ACSBG2: variants seen among roughly 807,000 people sequenced by gnomAD.
ACSBG2 encodes long-chain-fatty-acid--CoA ligase ACSBG2.
ACSBG2 carries 62 observed loss-of-function variants against 74.7 expected under a neutral mutation model. The ratio of observed to expected loss-of-function variants is 0.83; its 90% CI spans 0.68 to 1.03. The LOEUF (loss-of-function observed/expected upper bound fraction) is 1.03. ACSBG2 is among the 50% of genes least tolerant of loss of function. ACSBG2 has a pLI of 0.00. For synonymous variants in ACSBG2, 309 were observed against 294.1 expected, an observed-to-expected ratio of 1.05 and a Z score of -0.52; for missense variants, 730 against 817.6, an observed-to-expected ratio of 0.89 and a Z score of 1.31.
intron 1 of ACSBG2, among the ~76,000 whole-genome samples, chr19:6,140,716 G>A (rs565180510): frequency 3.1e-4 from 47 of 152,236 alleles, no homozygotes; most frequent in Middle Eastern, 6.8e-3. Context: ...AAGTGTTTTC[G>A]AAAGAGGTGG....
At chr19:6,159,815 T>C (rs1388172565) in intron 5 of ACSBG2, among the ~76,000 whole-genome samples, 2 of 152,168 alleles carry the variant, frequency 1.3e-5, no homozygotes, top group African/African-American at 4.8e-5. Flanking sequence ...TCCCCTATCA[T>C]ACTCTCTTGG....
At chr19:6,164,054 G>C (rs980830449) in intron 6 of ACSBG2, among the ~76,000 whole-genome samples, 2 of 152,200 alleles carry the variant, frequency 1.3e-5, no homozygotes, top group African/African-American at 4.8e-5. Flanking sequence ...GAAAATGGCC[G>C]AGTAAGACAA....
intron 7 of ACSBG2, among the ~76,000 whole-genome samples, chr19:6,166,320 G>C (rs1279401099): frequency 6.6e-6 from 1 of 151,094 alleles, no homozygotes; most frequent in Non-Finnish European, 1.5e-5. Flanking sequence ...GTGTGTGTGT[G>C]TGTGTGTGTG....
In ACSBG2 at chr19:6,155,362, C is replaced by T. The variant is rs77880472; in HGVS notation, c.387-1069C>T. Among the ~76,000 whole-genome samples the T allele has an allele frequency of 9.5e-3, 1,450 of 152,194 alleles. 5 individuals carry two copies. The highest frequency in any genetic ancestry group is 0.014 in the Non-Finnish European group (962 of 68,022). ...TAAAGCTTCTAGAAAAAGAAAAGCA[C>T]GGAATGGTTTCACAACCTGGGGGTA... On this transcript the variant is annotated intron_variant, in intron 4 of 14. Transcript: ENST00000588485.
At position 6,160,889 on chromosome 19, in the gene ACSBG2, C is replaced by G. The variant is rs559805302; in HGVS notation, c.508-326C>G. 2.4e-3 allele frequency: 427 copies of G among 181,666 alleles called. 2 individuals are homozygous for G. Among genetic ancestry groups the G allele is most frequent in the Admixed American group, 5.9e-3 (102 of 17,340 alleles). The allele number at this position is 181,666 out of a possible 1,614,324, so 11.3% of individuals were successfully genotyped here. On this transcript the variant is annotated intron_variant, in intron 5 of 14. Transcript: ENST00000588485. ...CCGAGGCGGGGGGATCACCTGGGGT[C>G]AGGAGTTCGAGACCAGCCTGGCCAA...
chr19:6,173,937 ATT>A lies in ACSBG2; in HGVS notation c.739-3275_739-3274del, dbSNP rs56905660. Among the ~76,000 whole-genome samples, 202 of 130,924 alleles carry A rather than the reference ATT, an allele frequency of 1.5e-3. 1 individual carries two copies. Among genetic ancestry groups the A allele is most frequent in the African/African-American group, 4.0e-3 (142 of 35,194 alleles). 85.9% of individuals were successfully genotyped at this position (130,924 alleles called of 152,430 possible). Reference sequence around the variant, plus strand: ...AACATGAGGACATCACTCTTGAACTATTTTTTTTTTTTTTTTTTGAGACAGAG... The same window carrying A: ...AACATGAGGACATCACTCTTGAACTATTTTTTTTTTTTTTTTGAGACAGAG... On this transcript the variant is annotated intron_variant, in intron 7 of 14. Transcript: ENST00000588485.
At position 6,147,627 on chromosome 19, in the gene ACSBG2, C is replaced by T; in HGVS notation, c.249C>T (p.Phe83=). 16 of 1,614,214 alleles carry T rather than the reference C, an allele frequency of 9.9e-6. No individual in the cohort carries two copies. The highest frequency in any genetic ancestry group is 1.4e-5 in the Non-Finnish European group (16 of 1,180,042). The change falls in exon 3 of 15, where the codon TTC becomes TTT. Residue 83 remains phenylalanine (F), a synonymous_variant. Transcript: ENST00000588485. ...GCAAAAAGTGGGAAATTCTGAATTT[C>T]AACCAGTACTATGAGGCTTGTCGGA... ...KNGKKWEILN[F]NQYYEACRKA...
rs765326702 is a variant in ACSBG2, at chr19:6,185,558, C to T, written c.1445C>T (p.Thr482Ile). The T allele has an allele frequency of 1.4e-5, 23 of 1,614,050 alleles. No individual in the cohort carries two copies. The Admixed American group carries it at 1.7e-4, about 12-fold the overall frequency. Residue 482 changes from threonine (T) to isoleucine (I), a missense_variant, in exon 11 of 15, where the codon ACT (threonine) becomes ATT (isoleucine). By Grantham distance (89) the Thr-to-Ile change is moderately conservative. Coordinates refer to ENST00000588485, the MANE Select transcript of ACSBG2 (RefSeq NM_030924.5). ...FMGYLESETE[T>I]TEAIDDEGWL... is the part of the protein sequence containing the mutation. ...GGCTATCTGGAAAGTGAGACTGAAA[C>T]TACAGAGGCCATCGATGATGAAGGC...
At chr19:6,156,409 C>A (rs765000580) in intron 4 of ACSBG2, 22 bp from the exon 5 acceptor site, 3 of 1,577,644 alleles carry the variant, frequency 1.9e-6, no homozygotes, top group East Asian at 2.4e-5. Flanking sequence ...GATGCACACA[C>A]GAATTTGTTT....
At chr19:6,140,716 G>C (rs565180510) in intron 1 of ACSBG2, among the ~76,000 whole-genome samples, 1 of 152,118 alleles carries the variant, frequency 6.6e-6, no homozygotes, top group Non-Finnish European at 1.5e-5. Context: ...AAGTGTTTTC[G>C]AAAGAGGTGG....
intron 6 of ACSBG2, among the ~76,000 whole-genome samples, chr19:6,162,437 G>A (rs930682023): frequency 3.3e-5 from 5 of 149,430 alleles, no homozygotes. Flanking sequence ...CGTGGTGGTG[G>A]GCGCCTGTAG....
chr19:6,157,769 A>G (rs925426883), intron 5 of ACSBG2, among the ~76,000 whole-genome samples: 4 of 152,046 alleles, frequency 2.6e-5, no homozygotes, highest in African/African-American at 7.2e-5. Flanking sequence ...TATTTTATAT[A>G]CATCCCACTG....
At chr19:6,185,821 AAC>A (rs2090390486) in intron 11 of ACSBG2, among the ~76,000 whole-genome samples, 168 bp downstream of exon 11, 1 of 152,186 alleles carries the variant, frequency 6.6e-6, no homozygotes, top group Admixed American at 6.5e-5. Context: ...CTGTCCAGCA[AAC>A]AGTTACCCCT....
chr19:6,150,474 C>T (rs2089198432), intron 3 of ACSBG2, among the ~76,000 whole-genome samples: 2 of 152,046 alleles, frequency 1.3e-5, no homozygotes, highest in South Asian at 2.1e-4. Context: ...TGGATAAACA[C>T]GATGTGGTCC....
chr19:6,147,349 T>G, intron 2 of ACSBG2, 97 bp from the exon 3 acceptor site: 1 of 921,108 alleles, frequency 1.1e-6, no homozygotes, highest in Non-Finnish European at 1.7e-6. Context: ...AATTCAACTC[T>G]CAGCACCTTA....
rs940495531 is a variant in ACSBG2, at chr19:6,187,306, G to A, written c.1564G>A (p.Glu522Lys). 1.2e-6 allele frequency: 2 copies of A among 1,614,208 alleles called. No individual in the cohort carries two copies. The highest frequency in any genetic ancestry group is 8.5e-7 in the Non-Finnish European group (1 of 1,180,052). The change falls in exon 12 of 15, where the codon GAA becomes AAA. Residue 522 changes from glutamate (E) to lysine (K), a missense_variant. Coordinates refer to ENST00000588485, the MANE Select transcript of ACSBG2 (RefSeq NM_030924.5). ...IKEILITAGGENVPPIPVETL... is the reference protein window; with the variant it reads ...IKEILITAGGKNVPPIPVETL... ...AGAAATCCTTATCACTGCTGGTGGT[G>A]AAAATGTGCCCCCCATTCCTGTTGA...
intron 7 of ACSBG2, among the ~76,000 whole-genome samples, chr19:6,172,375 T>G (rs1348246250): frequency 6.6e-6 from 1 of 152,192 alleles, no homozygotes; most frequent in Non-Finnish European, 1.5e-5. Context: ...TTAATTCTAG[T>G]TTCCCTTGAG....
rs2090385522 is a variant in ACSBG2 at position 6,185,650 on chromosome 19, A to T, written c.1537A>T (p.Lys513Ter). 1 of 1,614,002 alleles carries T rather than the reference A, an allele frequency of 6.2e-7. No individual in the cohort carries two copies. Among genetic ancestry groups the T allele is most frequent in the African/African-American group, 1.3e-5 (1 of 74,932 alleles). The change falls in exon 11 of 15, where the codon AAA (lysine) becomes TAA (stop). Residue 513 changes from lysine (K) to a stop codon, truncating the protein, a stop_gained. Coordinates refer to ENST00000588485, the MANE Select transcript of ACSBG2 (RefSeq NM_030924.5). LOFTEE classifies it high-confidence loss of function. ...LGFLYVTGHI[K>*]EILITAGGEN... ...TTTCCTCTATGTCACCGGCCACATC[A>T]AAGGTACCAGGGGCTGAGCTCTTTG...
upstream of ACSBG2, chr19:6,135,645 G>A (rs2088535928): frequency 6.6e-6 from 1 of 152,396 alleles, no homozygotes; most frequent in African/African-American, 2.4e-5. Flanking sequence ...GAGGTGGCTG[G>A]GATGGAACGT....
Sources: gnomAD v4.1 joint callset for allele counts (sites outside exome capture counted in the v4.1 genomes callset) on GRCh38, gnomAD v4.1.1 for gene constraint, MANE v1.5 for transcripts, NCBI Gene and HGNC (gene_info 2026-07-23, HGNC 2026-07-21) for gene names.